GAS2L3: variants seen among roughly 807,000 people sequenced by gnomAD.
GAS2L3 encodes growth arrest specific 2 like 3, also known as GAS2-like protein 3.
A neutral mutation model predicts 37.0 loss-of-function variants in GAS2L3; 28 were observed. That is an observed-to-expected ratio of 0.76 (90% CI 0.56 to 1.04). The LOEUF (loss-of-function observed/expected upper bound fraction) is 1.04. Ranked by LOEUF, GAS2L3 falls within the 50% of genes least tolerant of loss-of-function variation. The pLI, the probability that GAS2L3 is intolerant of heterozygous loss-of-function variation, is 0.00. For synonymous variants in GAS2L3, 290 were observed against 296.6 expected (o/e 0.98, Z 0.23); for missense variants, 793 against 817.6 (o/e 0.97, Z 0.37).
intron 3 of GAS2L3, among the ~76,000 whole-genome samples, chr12:100,598,998 T>C (rs539219690): frequency 6.6e-6 from 1 of 152,240 alleles, no homozygotes; most frequent in African/African-American, 2.4e-5. Flanking sequence ...ATTGGGACGT[T>C]CCCCCTTTGC....
intron 2 of GAS2L3, chr12:100,593,619 T>C (rs575481455): frequency 6.6e-6 from 1 of 152,282 alleles, no homozygotes; most frequent in African/African-American, 2.4e-5. Flanking sequence ...TGTCTGATTA[T>C]GTGGAACTCC....
At chr12:100,573,971 G>A (rs36062145) in intron 1 of GAS2L3, 186 bp downstream of exon 1, 25,330 of 152,246 alleles carry the variant, frequency 0.17, 2,959 homozygotes, top group East Asian at 0.5. Context: ...CGGCAGTCGC[G>A]TGCTCTGATT....
intron 9 of GAS2L3, among the ~76,000 whole-genome samples, 169 bp from the exon 10 acceptor site, chr12:100,623,393 A>G (rs993279661): frequency 3.3e-5 from 5 of 152,210 alleles, no homozygotes; most frequent in African/African-American, 1.2e-4. Context: ...TGTGAGTTAA[A>G]TTTATTATAT....
intron 1 of GAS2L3, among the ~76,000 whole-genome samples, chr12:100,574,448 C>T (rs1434118702): frequency 1.3e-5 from 2 of 152,132 alleles, no homozygotes; most frequent in Non-Finnish European, 2.9e-5. Flanking sequence ...GGAGGACTGC[C>T]CGGGGAGAGG....
At chr12:100,617,981 A>T (rs902011847) in intron 7 of GAS2L3, among the ~76,000 whole-genome samples, 174 bp downstream of exon 7, 2 of 152,188 alleles carry the variant, frequency 1.3e-5, no homozygotes, top group African/African-American at 4.8e-5. Flanking sequence ...GCATATGTAA[A>T]CATCCGAGTT....
chr12:100,611,304 G>A (rs1565809337), intron 5 of GAS2L3: 1 of 152,164 alleles, frequency 6.6e-6, no homozygotes, highest in African/African-American at 2.4e-5. Flanking sequence ...AACATAGCAA[G>A]AATTTGAGGT....
chr12:100,618,565 G>A lies in GAS2L3; in HGVS notation c.626G>A (p.Arg209Gln), dbSNP rs147048300. 30 of 1,611,308 alleles carry A rather than the reference G, an allele frequency of 1.9e-5. No homozygotes were observed. The highest frequency in any genetic ancestry group is 1.4e-4 in the South Asian group (13 of 90,574). ...ATCAGCATTCCAAAATCATGCTGTC[G>A]GCATGAAGAGCTACATGAAGCTGTA... ...DSISIPKSCC[R>Q]HEELHEAVKH... is the part of the protein sequence containing the mutation. The change falls in exon 8 of 10, where the codon CGG (arginine) becomes CAG (glutamine). Residue 209 changes from arginine to glutamine, a missense_variant. Physicochemically the swap from Arg to Gln is conservative, Grantham distance 43 (BLOSUM62 1). Transcript: ENST00000547754.
chr12:100,578,642 C>T, intron 1 of GAS2L3: 1 of 270,090 alleles, frequency 3.7e-6, no homozygotes, highest in Non-Finnish European at 6.9e-6. Context: ...TTGGCGGCAG[C>T]CGTGGGAGGT....
intron 9 of GAS2L3, among the ~76,000 whole-genome samples, 196 bp downstream of exon 9, chr12:100,622,578 A>ACG (rs1221368336): frequency 2.0e-5 from 3 of 150,862 alleles, no homozygotes; most frequent in South Asian, 4.2e-4. Context: ...AACACTCATC[A>ACG]CAGCAAACAA....
chr12:100,602,118 TC>T (rs1451483382), intron 5 of GAS2L3, among the ~76,000 whole-genome samples: 8 of 152,112 alleles, frequency 5.3e-5, no homozygotes, highest in Non-Finnish European at 1.2e-4. Flanking sequence ...TAACATAACT[TC>T]CTTGTAGAAT....
intron 3 of GAS2L3, among the ~76,000 whole-genome samples, chr12:100,599,339 G>A (rs749573270): frequency 2.2e-4 from 33 of 152,022 alleles, no homozygotes; most frequent in Non-Finnish European, 4.1e-4. Context: ...GGCAAGTGTC[G>A]ATTATAACAT....
intron 1 of GAS2L3, among the ~76,000 whole-genome samples, chr12:100,584,586 T>G (rs905476136): frequency 6.6e-6 from 1 of 152,144 alleles, no homozygotes. Context: ...TGTCTTTTTT[T>G]TTTTTGAGAC....
intron 1 of GAS2L3, chr12:100,578,735 C>A: frequency 2.0e-6 from 1 of 500,948 alleles, no homozygotes; most frequent in Non-Finnish European, 3.7e-6. Context: ...ATGCCTAAAC[C>A]ATCTCAGCAT....
At chr12:100,596,871 G>A (rs1176457318) in intron 3 of GAS2L3, among the ~76,000 whole-genome samples, 1 of 152,066 alleles carries the variant, frequency 6.6e-6, no homozygotes, top group Non-Finnish European at 1.5e-5. Flanking sequence ...GCAAGTGCAA[G>A]TACCTAAGTT....
At chr12:100,578,957 C>T (rs1955672949) in intron 1 of GAS2L3, 4 of 904,286 alleles carry the variant, frequency 4.4e-6, no homozygotes, top group Admixed American at 1.8e-5. Flanking sequence ...AATTGTCATC[C>T]ATGCTTATGG....
chr12:100,592,250 A>G (rs939673561), intron 2 of GAS2L3: 4 of 152,126 alleles, frequency 2.6e-5, no homozygotes, highest in Non-Finnish European at 5.9e-5. Flanking sequence ...CTTGGCGATA[A>G]TCTGGTGGCT....
intron 1 of GAS2L3, chr12:100,578,906 C>A: frequency 1.2e-6 from 1 of 864,690 alleles, no homozygotes; most frequent in Non-Finnish European, 1.9e-6. Flanking sequence ...CCACATTTAC[C>A]AGCTCCCTCA....
At chr12:100,613,598 C>CCT (rs1565810412) in intron 6 of GAS2L3, among the ~76,000 whole-genome samples, 3 of 141,128 alleles carry the variant, frequency 2.1e-5, no homozygotes. Flanking sequence ...CCATTTCTTT[C>CCT]TTTTTTTTTT....
chr12:100,582,786 G>A (rs1356910307), intron 1 of GAS2L3, among the ~76,000 whole-genome samples: 1 of 152,158 alleles, frequency 6.6e-6, no homozygotes, highest in Non-Finnish European at 1.5e-5. Flanking sequence ...AGAACTCAGG[G>A]TCTTTCAGTG....
Sources: allele counts gnomAD v4.1 joint callset (sites outside exome capture counted in the v4.1 genomes callset), GRCh38; gene constraint gnomAD v4.1.1; transcripts MANE v1.5; gene names NCBI Gene and HGNC (gene_info 2026-07-23, HGNC 2026-07-21).